ABL2: variants seen among roughly 807,000 people sequenced by gnomAD.
The protein encoded by ABL2 is ABL proto-oncogene 2, non-receptor tyrosine kinase.
In ABL2, 49 loss-of-function variants were observed where a neutral mutation model predicts 107.7. The observed-to-expected ratio is 0.45, with a 90% confidence interval of 0.36 to 0.58. The LOEUF (loss-of-function observed/expected upper bound fraction) is 0.58. ABL2 is among the 20% of genes least tolerant of loss of function. The probability of loss-of-function intolerance (pLI) is 0.00; values close to 1 mark genes in which losing one functional copy is unlikely to be tolerated. For synonymous variants in ABL2, 549 were observed against 548.6 expected (o/e 1.00, Z -0.01); for missense variants, 1,245 against 1,457.0 (o/e 0.85, Z 2.37).
At chr1:179,124,592 CTGAG>C (rs1206378142) in intron 4 of ABL2, among the ~76,000 whole-genome samples, 1 of 150,968 alleles carries the variant, frequency 6.6e-6, no homozygotes, top group Non-Finnish European at 1.5e-5. Flanking sequence ...CCTCAGCCTC[CTGAG>C]TAACTGGGAT....
At chr1:179,153,005 T>C (rs1328265189) in intron 1 of ABL2, among the ~76,000 whole-genome samples, 1 of 152,114 alleles carries the variant, frequency 6.6e-6, no homozygotes. Context: ...GTAAGTGGGG[T>C]ATTTCCATTA....
rs1007813628 is a variant in ABL2 at position 179,101,864 on chromosome 1, AAG to A, written c.*5852_*5853del. Reference sequence around the variant, plus strand: ...CTGAATCCCACCCATGCTTCTCAGTAAGAGAGGAGCGTAGGGAATGACAGTGA... The same window carrying A: ...CTGAATCCCACCCATGCTTCTCAGTAAGAGGAGCGTAGGGAATGACAGTGA... On this transcript the variant is annotated 3_prime_UTR_variant, in exon 12 of 12. Transcript: ENST00000502732. The A allele has an allele frequency of 1.1e-5, 2 of 189,362 alleles. No individual in the cohort carries two copies. Among genetic ancestry groups the A allele is most frequent in the Non-Finnish European group, 2.2e-5 (2 of 90,102 alleles). The allele number at this position is 189,362 out of a possible 1,614,324, so 11.7% of individuals were successfully genotyped here.
intron 1 of ABL2, among the ~76,000 whole-genome samples, chr1:179,203,038 CT>C (rs928360948): frequency 2.5e-4 from 38 of 152,224 alleles, no homozygotes; most frequent in African/African-American, 8.4e-4. Flanking sequence ...CACCCCAGAA[CT>C]TTTATTAGAT....
intron 11 of ABL2, among the ~76,000 whole-genome samples, chr1:179,109,717 A>G (rs943669328): frequency 6.6e-6 from 1 of 152,132 alleles, no homozygotes; most frequent in Admixed American, 6.5e-5. Flanking sequence ...TCAGGAGGTC[A>G]GGAGATCAAG....
chr1:179,217,563 T>C (rs12138698), intron 1 of ABL2, among the ~76,000 whole-genome samples: 9 of 150,382 alleles, frequency 6.0e-5, no homozygotes, highest in Admixed American at 2.7e-4. Context: ...TGGGTGGAGG[T>C]TGCAGTGAGC....
At chr1:179,170,443 C>T (rs1350625241) in intron 1 of ABL2, among the ~76,000 whole-genome samples, 5 of 150,998 alleles carry the variant, frequency 3.3e-5, no homozygotes, top group African/African-American at 4.9e-5. Context: ...TTGAGTCAGA[C>T]TCTTATTCTG....
chr1:179,190,170 C>T (rs1660919275), intron 1 of ABL2, among the ~76,000 whole-genome samples: 1 of 152,060 alleles, frequency 6.6e-6, no homozygotes, highest in African/African-American at 2.4e-5. Context: ...GAGATAGTGT[C>T]AGATTCCACA....
chr1:179,176,381 T>C (rs766140897), intron 1 of ABL2, among the ~76,000 whole-genome samples: 86 of 152,294 alleles, frequency 5.6e-4, no homozygotes, highest in African/African-American at 2.2e-4. Flanking sequence ...CTTGAGGTGA[T>C]AGATACCCCA....
At chr1:179,210,246 C>CTA (rs1267101210) in intron 1 of ABL2, among the ~76,000 whole-genome samples, 2 of 152,150 alleles carry the variant, frequency 1.3e-5, no homozygotes, top group Non-Finnish European at 2.9e-5. Flanking sequence ...TGGCTCATGC[C>CTA]TATAATCCCA....
At position 179,106,738 on chromosome 1, in the gene ABL2, A is replaced by C. The variant is rs996385824; in HGVS notation, c.*980T>G. On this transcript the variant is annotated 3_prime_UTR_variant, in exon 12 of 12. Transcript: ENST00000502732. ...CTGGTATTTTAGTTGATAAAGAAAA[A>C]TACACAGCTGCTCAAGTCCTTGGCC... The C allele has an allele frequency of 8.6e-6, 2 of 231,968 alleles. No individual in the cohort carries two copies. The highest frequency in any genetic ancestry group is 1.7e-5 in the Non-Finnish European group (2 of 117,388). The allele number at this position is 231,968 out of a possible 1,614,324, so 14.4% of individuals were successfully genotyped here.
intron 1 of ABL2, among the ~76,000 whole-genome samples, chr1:179,150,903 T>C (rs1342778680): frequency 1.3e-5 from 2 of 152,206 alleles, no homozygotes; most frequent in Non-Finnish European, 2.9e-5. Context: ...ACCACCCTGA[T>C]CTCAGCAGCC....
intron 1 of ABL2, chr1:179,201,809 TA>T: frequency 9.4e-7 from 1 of 1,066,128 alleles, no homozygotes; most frequent in East Asian, 3.0e-5. Flanking sequence ...AGTTTGGCCA[TA>T]AAGGTGTGGC....
chr1:179,194,366 T>C (rs2102827791), intron 1 of ABL2, among the ~76,000 whole-genome samples: 1 of 152,336 alleles, frequency 6.6e-6, no homozygotes, highest in South Asian at 2.1e-4. Flanking sequence ...CTGAACTAAA[T>C]GTCAACAATC....
In ABL2 at chr1:179,108,875, C is replaced by A. The variant is rs746707880; in HGVS notation, c.2392G>T (p.Ala798Ser). The change falls in exon 12 of 12, where the codon GCA becomes TCA. Residue 798 changes from alanine (A) to serine (S), a missense_variant. Ala to Ser is a moderately conservative substitution (Grantham distance 99). Coordinates refer to ENST00000502732, the MANE Select transcript of ABL2 (RefSeq NM_007314.4). The part of the protein sequence containing the change: ...SSGLPEQDRM[A>S]MTLPRNCQRS... ...TGGCAGTTCCTGGGAAGGGTCATTG[C>A]CATCCTATCCTGCTCTGGAAGCCCT... 5 of 1,614,054 alleles carry A rather than the reference C, an allele frequency of 3.1e-6. No individual in the cohort carries two copies. The highest frequency in any genetic ancestry group is 4.2e-6 in the Non-Finnish European group (5 of 1,180,022).
intron 10 of ABL2, among the ~76,000 whole-genome samples, chr1:179,111,281 CTT>C (rs748453531): frequency 5.3e-4 from 44 of 82,270 alleles, no homozygotes; most frequent in African/African-American, 1.9e-3. Flanking sequence ...AGTGCTCAGT[CTT>C]TTTTTTTTTT....
intron 1 of ABL2, among the ~76,000 whole-genome samples, chr1:179,176,148 C>T (rs1469590708): frequency 6.6e-6 from 1 of 152,040 alleles, no homozygotes; most frequent in Non-Finnish European, 1.5e-5. Context: ...AGACACCATA[C>T]CTGGCCAAGT....
In ABL2 at chr1:179,126,611, C is replaced by A; in HGVS notation, c.453G>T (p.Lys151Asn). 6.2e-6 allele frequency: 10 copies of A among 1,614,182 alleles called. No individual in the cohort carries two copies. Among genetic ancestry groups the A allele is most frequent in the Non-Finnish European group, 8.5e-6 (10 of 1,180,036 alleles). Residue 151 changes from lysine (K) to asparagine (N), a missense_variant, in exon 4 of 12, where the codon AAG becomes AAT. Transcript: ENST00000502732. This position sits in a 1 kb window ranked among gnomAD's most constrained non-coding sequence, Gnocchi z 4.4. ...QNGEWSEVRS[K>N]NGQGWVPSNY... The stretch of plus-strand genomic sequence containing the variant: ...TGCTTGGCACCCAGCCCTGCCCATT[C>A]TTAGAGCGAACTTCACTCCACTCAC...
intron 1 of ABL2, among the ~76,000 whole-genome samples, chr1:179,155,498 G>C (rs1179677552): frequency 3.3e-5 from 5 of 152,134 alleles, no homozygotes; most frequent in Non-Finnish European, 7.3e-5. Flanking sequence ...GGGAGGCCGA[G>C]GCAGGCGGAC....
chr1:179,224,936 G>C (rs1273004056), intron 1 of ABL2, among the ~76,000 whole-genome samples: 3 of 152,062 alleles, frequency 2.0e-5, no homozygotes, highest in African/African-American at 7.2e-5. Context: ...TGAGGCAGGA[G>C]GATTGCTTGA....
Sources: gnomAD v4.1 joint callset for allele counts (sites outside exome capture counted in the v4.1 genomes callset) on GRCh38, gnomAD v4.1.1 for gene constraint, Gnocchi (gnomAD v3.1) non-coding constraint, MANE v1.5 for transcripts, NCBI Gene and HGNC (gene_info 2026-07-23, HGNC 2026-07-21) for gene names.